The following UBE2Q2 variants were observed in gnomAD, a reference collection of about 807,000 sequenced individuals.
UBE2Q2 encodes ubiquitin conjugating enzyme E2 Q2.
A neutral mutation model predicts 59.9 loss-of-function variants in UBE2Q2; 54 were observed. The observed-to-expected ratio is 0.90, with a 90% confidence interval of 0.72 to 1.13. The LOEUF is 1.13. Among genes scored for constraint, UBE2Q2 ranks in the 50% most tolerant of loss-of-function variants. UBE2Q2 has a pLI of 0.00. For synonymous variants in UBE2Q2, 165 were observed against 155.2 expected (o/e 1.06, Z -0.47); for missense variants, 433 against 441.9 (o/e 0.98, Z 0.18).
chr15:75,844,399 T>C (rs1189942694), intron 1 of UBE2Q2: 6 of 1,551,566 alleles, frequency 3.9e-6, no homozygotes, highest in Non-Finnish European at 5.2e-6. Context: ...ATGCAGACTC[T>C]GGTGCTGTTT....
chr15:75,897,067 T>C lies in UBE2Q2; in HGVS notation c.1096+6T>C, dbSNP rs769365213. On this transcript the variant is annotated splice_donor_region_variant and intron_variant, in intron 12 of 12. Coordinates refer to ENST00000267938, the MANE Select transcript of UBE2Q2 (RefSeq NM_173469.4). ...ACAGATACATGAGAAAAATGGTATG[T>C]TTAATTCAATAAGTGTTTATTGCCA... The C allele has an allele frequency of 6.6e-7, 1 of 1,524,490 alleles. No individual in the cohort carries two copies. Among genetic ancestry groups the C allele is most frequent in the South Asian group, 1.3e-5 (1 of 79,700 alleles). The allele number at this position is 1,524,490 out of a possible 1,614,324, so 94.4% of individuals were successfully genotyped here. A position where few individuals can be genotyped will look rare whatever the true frequency, so the allele number is the denominator to read the frequency against.
chr15:75,843,620 G>A lies in UBE2Q2; in HGVS notation c.-47G>A. On this transcript the variant is annotated 5_prime_UTR_variant, in exon 1 of 13. Transcript: ENST00000267938. ...CGGCTCCGGGCCCGGCTCCCCTTCCGCGCCCGGCTCCCCTTCCGCGCCCCT... is the reference window on the plus strand; with the variant it reads ...CGGCTCCGGGCCCGGCTCCCCTTCCACGCCCGGCTCCCCTTCCGCGCCCCT... 6.6e-7 allele frequency: 1 copy of A among 1,515,172 alleles called. No homozygotes were observed. Among genetic ancestry groups the A allele is most frequent in the Non-Finnish European group, 8.8e-7 (1 of 1,131,854 alleles). The allele number at this position is 1,515,172 out of a possible 1,614,324, so 93.9% of individuals were successfully genotyped here. A position where few individuals can be genotyped will look rare whatever the true frequency, so the allele number is the denominator to read the frequency against.
At chr15:75,884,668 T>C (rs191716683) in intron 9 of UBE2Q2, among the ~76,000 whole-genome samples, 97 of 146,290 alleles carry the variant, frequency 6.6e-4, no homozygotes, top group Non-Finnish European at 3.8e-4. Flanking sequence ...TTTTTACTTA[T>C]TTATTTATTG....
intron 6 of UBE2Q2, 70 bp downstream of exon 6, chr15:75,876,341 C>T (rs1898079801): frequency 7.3e-7 from 1 of 1,364,416 alleles, no homozygotes; most frequent in Non-Finnish European, 1.0e-6. Context: ...TTATAAATGT[C>T]ATTTCTTAAA....
intron 1 of UBE2Q2, chr15:75,844,147 T>G: frequency 7.0e-7 from 1 of 1,420,654 alleles, no homozygotes; most frequent in Non-Finnish European, 9.2e-7. Flanking sequence ...CCCAAGCCCT[T>G]GTGGGGTCCA....
chr15:75,876,734 T>G (rs377411819), intron 6 of UBE2Q2, among the ~76,000 whole-genome samples: 3 of 152,366 alleles, frequency 2.0e-5, no homozygotes, highest in East Asian at 3.9e-4. Flanking sequence ...AGTTTTCATT[T>G]CCTTGTTTGA....
At chr15:75,887,826 A>G (rs1898870594) in intron 9 of UBE2Q2, among the ~76,000 whole-genome samples, 1 of 152,212 alleles carries the variant, frequency 6.6e-6, no homozygotes, top group South Asian at 2.1e-4. Context: ...GGAAGGAGGA[A>G]TGAAATGTGA....
intron 8 of UBE2Q2, among the ~76,000 whole-genome samples, chr15:75,879,800 G>A (rs1898298391): frequency 6.6e-6 from 1 of 152,138 alleles, no homozygotes; most frequent in Non-Finnish European, 1.5e-5. Context: ...GGGCAAAAAT[G>A]AAAAGAAAAC....
intron 1 of UBE2Q2, among the ~76,000 whole-genome samples, chr15:75,853,402 C>A (rs559477667): frequency 6.6e-6 from 1 of 151,662 alleles, no homozygotes; most frequent in South Asian, 2.1e-4. Context: ...ACCTAGGAGG[C>A]GGAGGTTGCA....
intron 1 of UBE2Q2, among the ~76,000 whole-genome samples, chr15:75,850,844 A>C (rs1269634658): frequency 6.6e-6 from 1 of 152,212 alleles, no homozygotes; most frequent in Admixed American, 6.5e-5. Flanking sequence ...ATTTATCACT[A>C]CAAGTTAAAT....
chr15:75,850,524 T>C (rs1896580292), intron 1 of UBE2Q2, among the ~76,000 whole-genome samples: 2 of 152,240 alleles, frequency 1.3e-5, no homozygotes, highest in Admixed American at 1.3e-4. Flanking sequence ...CCAGATTTTC[T>C]TGGCTTAGCC....
Position 75,894,847 on chromosome 15 carries a change from G to C in UBE2Q2, c.1030-2148G>C, listed in dbSNP as rs540025113. ...TTCACAGTCATTTGGGAGTTTCAGG[G>C]TATGTATAGTTTTTACGTCCAGTTT... On this transcript the variant is annotated intron_variant, in intron 11 of 12. Coordinates refer to ENST00000267938, the MANE Select transcript of UBE2Q2 (RefSeq NM_173469.4). Among the ~76,000 whole-genome samples the C allele has an allele frequency of 2.6e-5, 4 of 152,058 alleles. No homozygotes were observed. The East Asian group carries it at 7.8e-4, about 30-fold the overall frequency.
In UBE2Q2 at chr15:75,843,777, G is replaced by A. The variant is rs778344721; in HGVS notation, c.111G>A (p.Gln37=). Residue 37 remains glutamine, a synonymous_variant, in exon 1 of 13, where the codon CAG becomes CAA. Coordinates refer to ENST00000267938, the MANE Select transcript of UBE2Q2 (RefSeq NM_173469.4). ...GGAAGCTGGACGAGCTGCACTGCCA[G>A]TTCCTGGTGCCGCAGCAGGGCAGCC... The part of the protein sequence containing the change: ...VSWKLDELHC[Q]FLVPQQGSPH... 1.9e-6 allele frequency: 3 copies of A among 1,609,862 alleles called. No homozygotes were observed. The African/African-American group carries it at 4.0e-5, about 22-fold the overall frequency.
intron 7 of UBE2Q2, among the ~76,000 whole-genome samples, chr15:75,878,600 TAAA>T (rs142315305): frequency 0.85 from 73,072 of 85,778 alleles, 32,261 homozygotes; most frequent in East Asian, 0.97. Flanking sequence ...CCCGGTCTCT[TAAA>T]AAAAAAAAAA....
chr15:75,876,247 T>A lies in UBE2Q2; in HGVS notation c.649T>A (p.Tyr217Asn). 1 of 1,613,866 alleles carries A rather than the reference T, an allele frequency of 6.2e-7. No homozygotes were observed. Among genetic ancestry groups the A allele is most frequent in the Non-Finnish European group, 8.5e-7 (1 of 1,179,850 alleles). Residue 217 changes from tyrosine (Y) to asparagine (N), a missense_variant, in exon 6 of 13, where the codon TAC (tyrosine) becomes AAC (asparagine). Transcript: ENST00000267938. ...DRLMKELRDI[Y>N]RSQSYKTGIY... The stretch of plus-strand genomic sequence containing the variant: ...ACTTATGAAAGAGCTCAGGGACATA[T>A]ACAGATCACAGAGTTATAAAACAGG...
intron 3 of UBE2Q2, among the ~76,000 whole-genome samples, chr15:75,863,187 C>T (rs938927132): frequency 6.6e-6 from 1 of 152,152 alleles, no homozygotes; most frequent in East Asian, 1.9e-4. Context: ...CTCTTCAGGG[C>T]GCTGTGAGAT....
intron 5 of UBE2Q2, 149 bp downstream of exon 5, chr15:75,873,717 G>GA: frequency 1.1e-6 from 1 of 913,070 alleles, no homozygotes; most frequent in Non-Finnish European, 1.6e-6. Context: ...TTTTAAAACA[G>GA]GGTCTTGCTC....
chr15:75,897,994 C>T (rs768076051), intron 12 of UBE2Q2, among the ~76,000 whole-genome samples: 15 of 151,808 alleles, frequency 9.9e-5, no homozygotes, highest in African/African-American at 7.3e-5. Context: ...AAGAGAGAAA[C>T]GATAAAATTT....
At chr15:75,889,646 A>G (rs574129893) in intron 9 of UBE2Q2, among the ~76,000 whole-genome samples, 1 of 152,350 alleles carries the variant, frequency 6.6e-6, no homozygotes, top group African/African-American at 2.4e-5. Flanking sequence ...CTTGGTGTCC[A>G]CACAGACCTA....
Sources: gnomAD v4.1 joint callset for allele counts (sites outside exome capture counted in the v4.1 genomes callset) on GRCh38, gnomAD v4.1.1 for gene constraint, MANE v1.5 for transcripts, NCBI Gene and HGNC (gene_info 2026-07-23, HGNC 2026-07-21) for gene names.